The following FAP variants were observed in gnomAD, a reference collection of about 807,000 sequenced individuals.
The protein encoded by FAP is prolyl endopeptidase FAP.
A neutral mutation model predicts 126.5 loss-of-function variants in FAP; 110 were observed. The ratio of observed to expected loss-of-function variants is 0.87; its 90% CI spans 0.74 to 1.02. The LOEUF (loss-of-function observed/expected upper bound fraction) is 1.02. Ranked by LOEUF, FAP falls within the 50% of genes least tolerant of loss-of-function variation. FAP has a pLI of 0.00. For missense variants in FAP, 919 were observed against 909.2 expected (o/e 1.01, Z -0.14); for synonymous variants, 334 against 297.3 (o/e 1.12, Z -1.27).
chr2:162,194,680 A>T (rs367779410), intron 17 of FAP, 21 bp downstream of exon 17: 27 of 1,610,970 alleles, frequency 1.7e-5, no homozygotes, highest in Non-Finnish European at 2.3e-5. Context: ...GACAAGATAG[A>T]TAACATGCAA....
intron 15 of FAP, 110 bp downstream of exon 15, chr2:162,200,456 T>A (rs1330840165): frequency 1.6e-6 from 1 of 633,634 alleles, no homozygotes; most frequent in African/African-American, 1.9e-5. Flanking sequence ...TCATAAATGA[T>A]TTTTATTATG....
chr2:162,173,206 C>T lies in FAP; in HGVS notation c.2050G>A (p.Ala684Thr), dbSNP rs764606551. 2 of 1,612,740 alleles carry T rather than the reference C, an allele frequency of 1.2e-6. No individual in the cohort carries two copies. Among genetic ancestry groups the T allele is most frequent in the Admixed American group, 1.7e-5 (1 of 59,930 alleles). The change falls in exon 24 of 26, where the codon GCA becomes ACA. Residue 684 changes from alanine to threonine, a missense_variant. Coordinates refer to ENST00000188790, the MANE Select transcript of FAP (RefSeq NM_004460.5). ...ACATTTCTGAAATATTCTGCTCTTG[C>T]CATCACAGTTGAATTCTGGAAAAGA... ...LEHYKNSTVM[A>T]RAEYFRNVDY...
chr2:162,213,052 A>G (rs1448360641), intron 11 of FAP, among the ~76,000 whole-genome samples: 2 of 152,166 alleles, frequency 1.3e-5, no homozygotes, highest in Non-Finnish European at 2.9e-5. Flanking sequence ...ATCTTATGTC[A>G]CATTCTCAGT....
At chr2:162,190,024 T>C (rs926296728) in intron 17 of FAP, among the ~76,000 whole-genome samples, 1 of 152,000 alleles carries the variant, frequency 6.6e-6, no homozygotes, top group Non-Finnish European at 1.5e-5. Flanking sequence ...AGCAACAATG[T>C]TTATTCAATC....
At chr2:162,218,830 A>G (rs1689266248) in intron 8 of FAP, among the ~76,000 whole-genome samples, 1 of 152,070 alleles carries the variant, frequency 6.6e-6, no homozygotes, top group South Asian at 2.1e-4. Flanking sequence ...TGGATTATAA[A>G]TCATTACTAC....
chr2:162,173,731 G>T lies in FAP; in HGVS notation c.2026C>A (p.His676Asn). ...AAAATGGAAACACTTACCTTATAGTGCTCAAGATTATCATCCTTTGTTGGG... is the reference window on the plus strand; with the variant it reads ...AAAATGGAAACACTTACCTTATAGTTCTCAAGATTATCATCCTTTGTTGGG... ...GLPTKDDNLEHYKNSTVMARA... is the reference protein window; with the variant it reads ...GLPTKDDNLENYKNSTVMARA... Residue 676 changes from histidine to asparagine, a missense_variant, in exon 23 of 26, where the codon CAC (histidine) becomes AAC (asparagine). Coordinates refer to ENST00000188790, the MANE Select transcript of FAP (RefSeq NM_004460.5). 4 of 1,595,990 alleles carry T rather than the reference G, an allele frequency of 2.5e-6. No individual in the cohort carries two copies. The highest frequency in any genetic ancestry group is 2.6e-6 in the Non-Finnish European group (3 of 1,163,748).
Position 162,202,298 on chromosome 2 carries a change from A to T in FAP, c.1223+574T>A, listed in dbSNP as rs116946569. On this transcript the variant is annotated intron_variant, in intron 14 of 25. Coordinates refer to ENST00000188790, the MANE Select transcript of FAP (RefSeq NM_004460.5). ...GTCCCATGTTCAGGTTGATAATAACAGCCTTAGATTTAATGCTTTAGGATT... is the reference window on the plus strand; with the variant it reads ...GTCCCATGTTCAGGTTGATAATAACTGCCTTAGATTTAATGCTTTAGGATT... 4.9e-3 allele frequency among the ~76,000 whole-genome samples: 744 copies of T among 152,376 alleles called. 11 individuals carry two copies. Among genetic ancestry groups the T allele is most frequent in the East Asian group, 0.033 (169 of 5,186 alleles).
At chr2:162,202,535 G>A (rs1369660716) in intron 14 of FAP, among the ~76,000 whole-genome samples, 1 of 152,116 alleles carries the variant, frequency 6.6e-6, no homozygotes, top group Non-Finnish European at 1.5e-5. Flanking sequence ...CATATCTATG[G>A]GCTGCCCTCC....
At chr2:162,189,391 A>C (rs1576146232) in intron 18 of FAP, among the ~76,000 whole-genome samples, 2 of 152,046 alleles carry the variant, frequency 1.3e-5, no homozygotes, top group East Asian at 3.9e-4. Flanking sequence ...ATACATTTTA[A>C]AATTAAAATT....
At chr2:162,193,525 T>C (rs996949213) in intron 17 of FAP, 5 of 152,180 alleles carry the variant, frequency 3.3e-5, no homozygotes, top group Admixed American at 6.5e-5. Flanking sequence ...AGGCTGGCTA[T>C]TATTTTGCAG....
Position 162,224,484 on chromosome 2 carries a change from T to C in FAP, c.342A>G (p.Leu114=). The C allele has an allele frequency of 1.3e-6, 2 of 1,593,212 alleles. No individual in the cohort carries two copies. Among genetic ancestry groups the C allele is most frequent in the South Asian group, 1.1e-5 (1 of 87,540 alleles). ...TTGATACCTTTGAATAATCACTTTC[T>C]AGATATACAAATTGCCGATCAGGTG... ...GLSPDRQFVY[L]ESDYSKLWRY... is the part of the protein sequence containing the mutation. Residue 114 remains leucine, a synonymous_variant, in exon 5 of 26, where the codon CTA becomes CTG. Transcript: ENST00000188790.
intron 25 of FAP, 188 bp downstream of exon 25, chr2:162,172,623 C>A: frequency 1.8e-6 from 1 of 541,336 alleles, no homozygotes; most frequent in Non-Finnish European, 3.3e-6. Flanking sequence ...GAGAGGTGAT[C>A]TGGTTTGCCT....
chr2:162,190,111 T>A (rs1177288144), intron 17 of FAP, among the ~76,000 whole-genome samples: 2 of 152,062 alleles, frequency 1.3e-5, no homozygotes, highest in Admixed American at 1.3e-4. Flanking sequence ...TTTTATCATA[T>A]ACTTAAAAAA....
rs370496513 is a variant in FAP at position 162,240,525 on chromosome 2, G to A, written c.91+2383C>T. On this transcript the variant is annotated intron_variant, in intron 2 of 25. Transcript: ENST00000188790. ...ATTCTTACTCCCCAACTTGCAGAGG[G>A]AATTCTAGACTGCTGCACCTCCATA... Among the ~76,000 whole-genome samples the A allele has an allele frequency of 5.3e-5, 8 of 152,286 alleles. No individual in the cohort carries two copies. The East Asian group carries it at 1.5e-3, about 29-fold the overall frequency.
chr2:162,213,654 A>G (rs1289032086), intron 11 of FAP, among the ~76,000 whole-genome samples: 2 of 152,088 alleles, frequency 1.3e-5, no homozygotes, highest in South Asian at 2.1e-4. Context: ...CTGGTTTACC[A>G]TTATAATTGA....
intron 16 of FAP, 179 bp downstream of exon 16, chr2:162,198,578 A>G: frequency 1.1e-6 from 1 of 899,882 alleles, no homozygotes; most frequent in Non-Finnish European, 1.6e-6. Context: ...CAGTTGCAAA[A>G]AAGTAAAGAT....
chr2:162,202,782 T>G (rs1688545942), intron 14 of FAP, 90 bp downstream of exon 14: 1 of 912,116 alleles, frequency 1.1e-6, no homozygotes, highest in Admixed American at 2.2e-5. Context: ...ACAAAAATCT[T>G]CTTAACTAAG....
chr2:162,198,168 G>T lies in FAP; in HGVS notation c.1402+589C>A. On this transcript the variant is annotated intron_variant, in intron 16 of 25. Transcript: ENST00000188790. ...TTACTTATGGTTTGTTATATTTGAT[G>T]CATTACTTACGATGTTTTCCAAATT... The T allele has an allele frequency of 1.4e-5, 18 of 1,285,546 alleles. No homozygotes were observed. In the South Asian group the frequency reaches 1.5e-4, roughly 11 times the overall value. The allele number at this position is 1,285,546 out of a possible 1,614,324, so 79.6% of individuals were successfully genotyped here.
At chr2:162,194,569 G>A (rs1194959489) in intron 17 of FAP, 132 bp downstream of exon 17, 7 of 737,366 alleles carry the variant, frequency 9.5e-6, no homozygotes, top group African/African-American at 3.5e-5. Flanking sequence ...GCAATAATAA[G>A]TGATGTGATA....
Sources: allele counts gnomAD v4.1 joint callset (sites outside exome capture counted in the v4.1 genomes callset), GRCh38; gene constraint gnomAD v4.1.1; transcripts MANE v1.5; gene names NCBI Gene and HGNC (gene_info 2026-07-23, HGNC 2026-07-21).